Variants in GRIP1 observed in about 807,000 individuals in gnomAD.
The protein encoded by GRIP1 is glutamate receptor interacting protein 1, also known as glutamate receptor-interacting protein 1.
GRIP1 carries 45 observed loss-of-function variants against 129.9 expected under a neutral mutation model. The observed-to-expected ratio is 0.35, with a 90% CI of 0.27 to 0.44. GRIP1 has a LOEUF of 0.44. GRIP1 is among the 20% of genes least tolerant of loss of function. The probability of loss-of-function intolerance (pLI) is 1.00; values close to 1 mark genes in which losing one functional copy is unlikely to be tolerated. For synonymous variants in GRIP1, 530 were observed against 520.8 expected (o/e 1.02, Z -0.24); for missense variants, 1,196 against 1,396.8 (o/e 0.86, Z 2.29).
intron 1 of GRIP1, among the ~76,000 whole-genome samples, chr12:66,666,093 A>G (rs1171345689): frequency 6.6e-6 from 1 of 152,166 alleles, no homozygotes; most frequent in African/African-American, 2.4e-5. Flanking sequence ...AACTATCTTT[A>G]TACTGTAAAA....
Position 66,838,110 on chromosome 12 carries a change from C to T in GRIP1, c.58+230940G>A, listed in dbSNP as rs530636336. 3.3e-5 allele frequency among the ~76,000 whole-genome samples: 5 copies of T among 151,106 alleles called. No homozygotes were observed. In the East Asian group the frequency reaches 7.9e-4, roughly 24 times the overall value. ...CTGAGGCAGGAGAATCGCTTGAACC[C>T]GGAAGGCAGGGTTGCAGTGAGCCGA... On this transcript the variant is annotated intron_variant, in intron 1 of 1. Transcript: ENST00000643019.
chr12:66,991,627 T>C (rs2042396029), intron 1 of GRIP1, among the ~76,000 whole-genome samples: 1 of 152,250 alleles, frequency 6.6e-6, no homozygotes, highest in African/African-American at 2.4e-5. Flanking sequence ...TTTTCAATAA[T>C]GTGCAACATA....
chr12:66,777,002 T>C (rs1488256032), intron 1 of GRIP1, among the ~76,000 whole-genome samples: 1 of 152,232 alleles, frequency 6.6e-6, no homozygotes, highest in African/African-American at 2.4e-5. Context: ...CACGGTCTTG[T>C]AGTTCTGATA....
chr12:66,384,004 A>T (rs1053067252), intron 19 of GRIP1, among the ~76,000 whole-genome samples: 3 of 152,204 alleles, frequency 2.0e-5, no homozygotes, highest in African/African-American at 4.8e-5. Context: ...AGCAAAACAG[A>T]GCCGAAATAT....
intron 1 of GRIP1, among the ~76,000 whole-genome samples, chr12:67,021,710 C>T (rs1247262289): frequency 6.6e-6 from 1 of 152,060 alleles, no homozygotes; most frequent in African/African-American, 2.4e-5. Flanking sequence ...ATATTCATCC[C>T]ACTGTGCTAC....
intron 1 of GRIP1, among the ~76,000 whole-genome samples, chr12:66,710,262 C>T (rs569517919): frequency 1.3e-5 from 2 of 151,898 alleles, no homozygotes; most frequent in African/African-American, 2.4e-5. Context: ...ATAAAATAAA[C>T]AAAATGCACT....
chr12:66,995,399 G>A (rs987003760), intron 1 of GRIP1, among the ~76,000 whole-genome samples: 18 of 151,828 alleles, frequency 1.2e-4, no homozygotes, highest in African/African-American at 3.4e-4. Context: ...CATCAATAAC[G>A]TGAAAATAAC....
intron 2 of GRIP1, among the ~76,000 whole-genome samples, chr12:66,582,597 T>C (rs2063437945): frequency 1.5e-5 from 2 of 137,346 alleles, no homozygotes; most frequent in East Asian, 4.2e-4. Context: ...TCACAAGCAT[T>C]CTTATACACC....
intron 1 of GRIP1, among the ~76,000 whole-genome samples, chr12:66,667,310 C>T (rs1289921689): frequency 6.6e-6 from 1 of 152,016 alleles, no homozygotes; most frequent in Non-Finnish European, 1.5e-5. Flanking sequence ...TCTTTTGCTC[C>T]CTTGTCATTA....
chr12:66,461,043 T>C (rs894957095), intron 9 of GRIP1, among the ~76,000 whole-genome samples: 2 of 152,120 alleles, frequency 1.3e-5, no homozygotes, highest in South Asian at 4.1e-4. Flanking sequence ...AAACTTCCTA[T>C]CAGTTTCCTA....
At chr12:66,680,078 T>C (rs564248481), upstream of GRIP1, among the ~76,000 whole-genome samples, 72 of 151,962 alleles carry the variant, frequency 4.7e-4, no homozygotes, top group African/African-American at 1.7e-3. Context: ...GACAAAAAAT[T>C]AGACAGTTGG....
Position 66,371,885 on chromosome 12 carries a change from C to A in GRIP1, c.2821G>T (p.Ala941Ser). The change falls in exon 23 of 25, where the codon GCT becomes TCT. Residue 941 changes from alanine (A) to serine (S), a missense_variant. Ala to Ser is a moderately conservative substitution (Grantham distance 99). Coordinates refer to ENST00000359742, the MANE Select transcript of GRIP1 (RefSeq NM_001366722.1). ...CCCAGCTGACTGCGAGGTGTTGGAGCCTCATGATTCAAACTCATCGTGCTC... is the reference window on the plus strand; with the variant it reads ...CCCAGCTGACTGCGAGGTGTTGGAGACTCATGATTCAAACTCATCGTGCTC... ...SGSTMSLNHE[A>S]PTPRSQLGRQ... 5 of 1,613,096 alleles carry A rather than the reference C, an allele frequency of 3.1e-6. No individual in the cohort carries two copies. Among genetic ancestry groups the A allele is most frequent in the Non-Finnish European group, 4.2e-6 (5 of 1,179,904 alleles).
chr12:66,939,078 T>C (rs1166152993), intron 1 of GRIP1, among the ~76,000 whole-genome samples: 1 of 151,918 alleles, frequency 6.6e-6, no homozygotes, highest in African/African-American at 2.4e-5. Flanking sequence ...ACAGGAGAGG[T>C]AGAGACTTTG....
At chr12:66,823,405 T>G (rs571987928) in intron 1 of GRIP1, among the ~76,000 whole-genome samples, 1 of 152,212 alleles carries the variant, frequency 6.6e-6, no homozygotes, top group Non-Finnish European at 1.5e-5. Context: ...GATTTCTATT[T>G]GGTTGATTAC....
intron 1 of GRIP1, among the ~76,000 whole-genome samples, chr12:66,603,117 C>T (rs1473874775): frequency 6.6e-6 from 1 of 151,494 alleles, no homozygotes. Context: ...CCACCTCAGT[C>T]TTCCATAATG....
At chr12:66,812,161 T>C (rs1233711233) in intron 1 of GRIP1, among the ~76,000 whole-genome samples, 1 of 152,178 alleles carries the variant, frequency 6.6e-6, no homozygotes, top group Non-Finnish European at 1.5e-5. Flanking sequence ...TGCGATGGAG[T>C]ATCACTCTGT....
chr12:66,758,228 G>A (rs2037359002), intron 1 of GRIP1, among the ~76,000 whole-genome samples: 1 of 152,098 alleles, frequency 6.6e-6, no homozygotes, highest in African/African-American at 2.4e-5. Flanking sequence ...GAATTATGGT[G>A]GGAGGTAAAA....
intron 2 of GRIP1, among the ~76,000 whole-genome samples, chr12:66,573,326 A>T (rs2139523256): frequency 6.6e-6 from 1 of 152,114 alleles, no homozygotes; most frequent in East Asian, 1.9e-4. Flanking sequence ...CCTTGATTGT[A>T]GCTCTGTGAG....
chr12:66,866,392 G>A (rs900987875), intron 1 of GRIP1, among the ~76,000 whole-genome samples: 1 of 152,158 alleles, frequency 6.6e-6, no homozygotes, highest in South Asian at 2.1e-4. Context: ...AGAATCACTT[G>A]AGCCCAGAAG....
Sources: gnomAD v4.1 joint callset for allele counts (sites outside exome capture counted in the v4.1 genomes callset) on GRCh38, gnomAD v4.1.1 for gene constraint, MANE v1.5 for transcripts, NCBI Gene and HGNC (gene_info 2026-07-23, HGNC 2026-07-21) for gene names.